The following CPM variants were observed in gnomAD, a reference collection of about 807,000 sequenced individuals.
The protein encoded by CPM is renal carboxypeptidase.
CPM carries 35 observed loss-of-function variants against 46.4 expected under a neutral mutation model. The ratio of observed to expected loss-of-function variants is 0.75; its 90% CI spans 0.58 to 1.00. The LOEUF is 1.00. Ranked by LOEUF, CPM falls within the 50% of genes least tolerant of loss-of-function variation. The pLI is 0.00. For missense variants in CPM, 422 were observed against 530.4 expected (o/e 0.80, Z 2.01); for synonymous variants, 195 against 195.3 (o/e 1.00, Z 0.01).
At chr12:68,858,721 T>C (rs1307988007) in intron 8 of CPM, among the ~76,000 whole-genome samples, 1 of 142,508 alleles carries the variant, frequency 7.0e-6, no homozygotes, top group Non-Finnish European at 1.5e-5. Context: ...GGAAAAAATA[T>C]GAATTTTTGT....
chr12:68,901,446 C>A (rs1435252537), intron 2 of CPM, among the ~76,000 whole-genome samples: 1 of 152,120 alleles, frequency 6.6e-6, no homozygotes, highest in Non-Finnish European at 1.5e-5. Context: ...GCTATACTAA[C>A]CATATTAGAA....
intron 2 of CPM, among the ~76,000 whole-genome samples, chr12:68,909,521 T>C (rs1225804479): frequency 1.3e-5 from 2 of 152,156 alleles, no homozygotes; most frequent in South Asian, 2.1e-4. Flanking sequence ...AAAATGCATA[T>C]ACCTTTTATG....
At chr12:68,917,812 C>T (rs916568199) in intron 2 of CPM, among the ~76,000 whole-genome samples, 1 of 152,176 alleles carries the variant, frequency 6.6e-6, no homozygotes, top group Non-Finnish European at 1.5e-5. Flanking sequence ...GCTCCCTTGA[C>T]CAGCTCTGAA....
At chr12:68,890,339 A>G (rs1592665414) in intron 2 of CPM, among the ~76,000 whole-genome samples, 1 of 151,532 alleles carries the variant, frequency 6.6e-6, no homozygotes, top group South Asian at 2.1e-4. Flanking sequence ...AATTATTTTC[A>G]CCTTTCCATC....
At chr12:68,915,056 T>G (rs1336529813) in intron 2 of CPM, among the ~76,000 whole-genome samples, 2 of 152,138 alleles carry the variant, frequency 1.3e-5, no homozygotes, top group Non-Finnish European at 2.9e-5. Context: ...TTTATTGTGT[T>G]TTTTTCTTCT....
Position 68,856,389 on chromosome 12 carries a change from C to A in CPM, c.*48G>T. 2 of 1,584,978 alleles carry A rather than the reference C, an allele frequency of 1.3e-6. No homozygotes were observed. Among genetic ancestry groups the A allele is most frequent in the Admixed American group, 1.7e-5 (1 of 58,194 alleles). ...TAGGGTTGCAGTAACCTGGAGTGAGCAATCCCTGATTCCAGGTGGTGATGT... is the reference window on the plus strand; with the variant it reads ...TAGGGTTGCAGTAACCTGGAGTGAGAAATCCCTGATTCCAGGTGGTGATGT... On this transcript the variant is annotated 3_prime_UTR_variant, in exon 9 of 9. Coordinates refer to ENST00000551568, the MANE Select transcript of CPM (RefSeq NM_198320.5).
intron 2 of CPM, among the ~76,000 whole-genome samples, chr12:68,917,209 T>G (rs1700931363): frequency 1.2e-5 from 1 of 81,094 alleles, no homozygotes; most frequent in Admixed American, 1.3e-4. Context: ...CCTTTCCCTT[T>G]TCACCTGGCT....
At chr12:68,859,622 A>C (rs1426649884) in intron 7 of CPM, among the ~76,000 whole-genome samples, 2 of 152,188 alleles carry the variant, frequency 1.3e-5, no homozygotes, top group Non-Finnish European at 2.9e-5. Flanking sequence ...CTCTGTACTA[A>C]CTACCAAATG....
At chr12:68,883,933 T>A (rs1368632855) in intron 3 of CPM, among the ~76,000 whole-genome samples, 3 of 136,682 alleles carry the variant, frequency 2.2e-5, no homozygotes, top group South Asian at 2.4e-4. Context: ...CCATCTCTAC[T>A]AAAAAAAAAA....
intron 7 of CPM, among the ~76,000 whole-genome samples, chr12:68,863,843 G>C (rs1885315541): frequency 6.6e-6 from 1 of 152,158 alleles, no homozygotes; most frequent in South Asian, 2.1e-4. Context: ...TAAATGCAAT[G>C]CAGTTTGACG....
At chr12:68,909,835 G>A (rs181574267) in intron 2 of CPM, among the ~76,000 whole-genome samples, 2 of 149,718 alleles carry the variant, frequency 1.3e-5, no homozygotes, top group African/African-American at 2.5e-5. Flanking sequence ...GGGCCTGTTG[G>A]GGGGTGGGGG....
intron 7 of CPM, among the ~76,000 whole-genome samples, chr12:68,865,038 T>C (rs1885376104): frequency 1.3e-5 from 2 of 152,006 alleles, no homozygotes; most frequent in South Asian, 4.2e-4. Flanking sequence ...ATGATAATAA[T>C]AGTAATAGAT....
intron 1 of CPM, among the ~76,000 whole-genome samples, chr12:68,946,834 C>T (rs945015813): frequency 6.6e-6 from 1 of 152,120 alleles, no homozygotes; most frequent in Non-Finnish European, 1.5e-5. Context: ...GAAAGAAATG[C>T]GCTCCAAAAT....
chr12:68,890,028 C>T lies in CPM; in HGVS notation c.161-4139G>A, dbSNP rs1886589751. The stretch of plus-strand genomic sequence containing the variant: ...GATGCCATTTTAGGCTTCAGCCTGC[C>T]TGTACCCAGGTGCTCATTAAAACAG... On this transcript the variant is annotated intron_variant, in intron 2 of 8. Transcript: ENST00000551568. 2.0e-5 allele frequency among the ~76,000 whole-genome samples: 3 copies of T among 152,176 alleles called. No individual in the cohort carries two copies. In the South Asian group the frequency reaches 6.2e-4, roughly 31 times the overall value.
upstream of CPM, chr12:68,933,326 G>T (rs1454892833): frequency 1.3e-5 from 2 of 151,806 alleles, no homozygotes; most frequent in Non-Finnish European, 2.9e-5. Context: ...GACGGCGCCC[G>T]CGCGGTGCGC....
chr12:68,862,120 G>A lies in CPM; in HGVS notation c.941-3049C>T, dbSNP rs902350367. Reference sequence around the variant, plus strand: ...TGAATCAAGGCTCCAGTCAACCTGCGGTCTGCCTACCCTCAAAGATAGAAA... The same window carrying A: ...TGAATCAAGGCTCCAGTCAACCTGCAGTCTGCCTACCCTCAAAGATAGAAA... On this transcript the variant is annotated intron_variant, in intron 7 of 8. Transcript: ENST00000551568. 5.9e-5 allele frequency among the ~76,000 whole-genome samples: 8 copies of A among 136,662 alleles called. 1 individual carries two copies. The highest frequency in any genetic ancestry group is 1.3e-4 in the Non-Finnish European group (8 of 63,036). The allele number at this position is 136,662 out of a possible 152,430, so 89.7% of individuals were successfully genotyped here. A position where few individuals can be genotyped will look rare whatever the true frequency, so the allele number is the denominator to read the frequency against.
At chr12:68,877,912 T>C (rs1427086211) in intron 3 of CPM, among the ~76,000 whole-genome samples, 1 of 152,236 alleles carries the variant, frequency 6.6e-6, no homozygotes, top group South Asian at 2.1e-4. Flanking sequence ...CATTTAGACA[T>C]GCAAACTACA....
chr12:68,905,104 T>C (rs1887285205), intron 2 of CPM, among the ~76,000 whole-genome samples: 1 of 151,828 alleles, frequency 6.6e-6, no homozygotes, highest in Non-Finnish European at 1.5e-5. Context: ...AGATGGGGGT[T>C]TCACCATGTT....
chr12:68,949,259 T>C (rs1050866734), intron 1 of CPM, among the ~76,000 whole-genome samples: 7 of 152,184 alleles, frequency 4.6e-5, no homozygotes, highest in African/African-American at 1.7e-4. Context: ...TGGTCCCAGC[T>C]ACTCAGGGGG....
Sources: allele counts gnomAD v4.1 joint callset (sites outside exome capture counted in the v4.1 genomes callset), GRCh38; gene constraint gnomAD v4.1.1; transcripts MANE v1.5; gene names NCBI Gene and HGNC (gene_info 2026-07-23, HGNC 2026-07-21).